Variants in CORO7 observed in about 807,000 individuals in gnomAD.
The protein encoded by CORO7 is coronin-7.
Under a neutral mutation model 126.6 loss-of-function variants are expected in CORO7, and 107 were observed. That is an observed-to-expected ratio of 0.85 (90% CI 0.72 to 0.99). The LOEUF is 0.99. Ranked by LOEUF, CORO7 falls within the 50% of genes least tolerant of loss-of-function variation. The pLI is 0.00. For missense variants in CORO7, 1,314 were observed against 1,255.8 expected (o/e 1.05, Z -0.70); for synonymous variants, 603 against 536.8 (o/e 1.12, Z -1.70).
At chr16:4,384,014 C>G (rs1375115420) in intron 9 of CORO7, among the ~76,000 whole-genome samples, 1 of 152,240 alleles carries the variant, frequency 6.6e-6, no homozygotes, top group Non-Finnish European at 1.5e-5. Context: ...CCCCATGCCA[C>G]TCCACTGCCC....
chr16:4,406,692 T>A (rs1163086747), intron 5 of CORO7, among the ~76,000 whole-genome samples: 11 of 152,016 alleles, frequency 7.2e-5, no homozygotes, highest in Admixed American at 7.2e-4. Flanking sequence ...AATGGCACGA[T>A]CTCTCTTCGC....
At chr16:4,373,399 A>T (rs1157917922) in intron 9 of CORO7, among the ~76,000 whole-genome samples, 3 of 152,022 alleles carry the variant, frequency 2.0e-5, no homozygotes, top group Non-Finnish European at 2.9e-5. Flanking sequence ...CTGTCCTGCT[A>T]CCTGTGGGTC....
chr16:4,360,999 T>A lies in CORO7; in HGVS notation c.1861A>T (p.Ile621Phe). The part of the protein sequence containing the change: ...ASSSYDLTVR[I>F]WDLQAGADRL... ...TCAGCTCCAGCCTGAAGGTCCCAGA[T>A]GCGAACAGTGAGGTCATAGGAGGAC... Residue 621 changes from isoleucine (I) to phenylalanine (F), a missense_variant, in exon 19 of 28, where the codon ATC becomes TTC. Coordinates refer to ENST00000251166, the MANE Select transcript of CORO7 (RefSeq NM_024535.5). The A allele has an allele frequency of 6.2e-7, 1 of 1,613,190 alleles. No homozygotes were observed. The highest frequency in any genetic ancestry group is 8.5e-7 in the Non-Finnish European group (1 of 1,180,008).
At chr16:4,375,326 C>A (rs2054680354) in intron 9 of CORO7, among the ~76,000 whole-genome samples, 1 of 152,244 alleles carries the variant, frequency 6.6e-6, no homozygotes, top group Non-Finnish European at 1.5e-5. Flanking sequence ...CTGGTCCACA[C>A]CTGCTCCAGG....
intron 8 of CORO7, 38 bp from the exon 9 acceptor site, chr16:4,388,106 T>TCCC: frequency 1.9e-6 from 3 of 1,591,702 alleles, no homozygotes; most frequent in Non-Finnish European, 2.6e-6. Flanking sequence ...GAGGGGCCTG[T>TCCC]CCCTCAGCCC....
intron 9 of CORO7, among the ~76,000 whole-genome samples, chr16:4,372,418 C>G (rs1046742133): frequency 1.3e-5 from 2 of 152,198 alleles, no homozygotes; most frequent in Admixed American, 1.3e-4. Context: ...AAGGGCTGCC[C>G]GGGGTCCTCT....
At chr16:4,415,875 G>A in intron 1 of CORO7, 1 of 985,572 alleles carries the variant, frequency 1.0e-6, no homozygotes, top group Non-Finnish European at 1.2e-6. Flanking sequence ...CCACCCAGCC[G>A]TGGCAGCATC....
At position 4,358,038 on chromosome 16, in the gene CORO7, G is replaced by T. The variant is rs745478194; in HGVS notation, c.2523C>A (p.Ala841=). 1.2e-6 allele frequency: 2 copies of T among 1,613,416 alleles called. No homozygotes were observed. The highest frequency in any genetic ancestry group is 2.2e-5 in the South Asian group (2 of 91,080). The change falls in exon 25 of 28, where the codon GCC becomes GCA. Residue 841 remains alanine (A), a synonymous_variant. Coordinates refer to ENST00000251166, the MANE Select transcript of CORO7 (RefSeq NM_024535.5). ...CATTAGCGCCTTGCAGCCAGGCCTCGGCACTGAGCACAGGCTCCCAGATCA... is the reference window on the plus strand; with the variant it reads ...CATTAGCGCCTTGCAGCCAGGCCTCTGCACTGAGCACAGGCTCCCAGATCA... ...TAVIWEPVLS[A]EAWLQGANGQ...
chr16:4,365,064 A>C lies in CORO7; in HGVS notation c.841-4T>G, dbSNP rs750888239. ...AACAGTACAGCTGCCTCTCGCCCTG[A>C]AATGAGTCTGAACTGAGCCCCGTTT... On this transcript the variant is annotated splice_polypyrimidine_tract_variant and splice_region_variant and intron_variant, in intron 10 of 27. Transcript: ENST00000251166. 3 of 1,596,046 alleles carry C rather than the reference A, an allele frequency of 1.9e-6. No individual in the cohort carries two copies. The highest frequency in any genetic ancestry group is 2.6e-6 in the Non-Finnish European group (3 of 1,171,446).
At chr16:4,382,712 AAGGGCAGGTGGGGCC>A in intron 9 of CORO7, 1 of 1,551,022 alleles carries the variant, frequency 6.4e-7, no homozygotes, top group South Asian at 1.2e-5. Flanking sequence ...GCTCAGGACA[AAGGGCAGGTGGGGCC>A]AGGGGCTGGG....
At chr16:4,360,213 G>A in intron 21 of CORO7, 65 bp downstream of exon 21, 3 of 1,602,268 alleles carry the variant, frequency 1.9e-6, no homozygotes, top group Non-Finnish European at 2.6e-6. Context: ...AAATGTATGT[G>A]ACTGTGGAGA....
At chr16:4,391,461 C>T (rs375192382) in intron 7 of CORO7, among the ~76,000 whole-genome samples, 12 of 152,270 alleles carry the variant, frequency 7.9e-5, no homozygotes, top group Admixed American at 4.6e-4. Context: ...GAGGCTGAGG[C>T]GGGAGAATCG....
chr16:4,376,493 G>C (rs1472578457), intron 9 of CORO7, among the ~76,000 whole-genome samples: 1 of 152,170 alleles, frequency 6.6e-6, no homozygotes, highest in Non-Finnish European at 1.5e-5. Flanking sequence ...GCCTCAGACT[G>C]TCTATCTGTC....
chr16:4,415,999 G>T, intron 1 of CORO7: 1 of 524,190 alleles, frequency 1.9e-6, no homozygotes, highest in Non-Finnish European at 2.5e-6. Context: ...ACACACTTGG[G>T]CTCGCCGGGG....
rs1417049376 is a variant in CORO7, at chr16:4,362,385, C to T, written c.1403-225G>A. Among the ~76,000 whole-genome samples the T allele has an allele frequency of 6.6e-6, 1 of 152,166 alleles. No homozygotes were observed. Among genetic ancestry groups the T allele is most frequent in the Non-Finnish European group, 1.5e-5 (1 of 68,022 alleles). On this transcript the variant is annotated intron_variant, in intron 15 of 27. Transcript: ENST00000251166. This position sits in a 1 kb window ranked among gnomAD's most constrained non-coding sequence, Gnocchi z 5.3. ...CGGGGAATCTTGGTGGAGCCCAGGG[C>T]TTTGGCTGCTCAGAAGCTGGTGGCC...
In CORO7 at chr16:4,360,539, G is replaced by T. The variant is rs764114366; in HGVS notation, c.1927C>A (p.Leu643Met). 20 of 1,604,956 alleles carry T rather than the reference G, an allele frequency of 1.2e-5. No individual in the cohort carries two copies. Among genetic ancestry groups the T allele is most frequent in the Non-Finnish European group, 1.5e-5 (18 of 1,176,270 alleles). ...TGCTGCCCATCAGGACTCCAGGCCA[G>T]GCTGAAGATCTGGGGGCAGGAAGGG... ...LQGHQDQIFS[L>M]AWSPDGQQLA... The change falls in exon 20 of 28, where the codon CTG becomes ATG. Residue 643 changes from leucine to methionine, a missense_variant. Coordinates refer to ENST00000251166, the MANE Select transcript of CORO7 (RefSeq NM_024535.5).
chr16:4,390,234 G>A (rs2055340484), intron 7 of CORO7, among the ~76,000 whole-genome samples: 1 of 152,120 alleles, frequency 6.6e-6, no homozygotes, highest in African/African-American at 2.4e-5. Flanking sequence ...CCCTTGGTGG[G>A]TCAGTCACTA....
At chr16:4,388,758 G>GACCCA in intron 7 of CORO7, 127 bp from the exon 8 acceptor site, 3 of 1,044,954 alleles carry the variant, frequency 2.9e-6, no homozygotes, top group Non-Finnish European at 4.1e-6. Flanking sequence ...GGGTGGGAAG[G>GACCCA]GCTGGGTCCT....
intron 9 of CORO7, among the ~76,000 whole-genome samples, chr16:4,370,614 C>T (rs1412244682): frequency 1.3e-5 from 2 of 152,212 alleles, no homozygotes; most frequent in East Asian, 3.9e-4. Context: ...GTTGTGGAGC[C>T]CTGCCAGCCC....
Sources: gnomAD v4.1 joint callset for allele counts (sites outside exome capture counted in the v4.1 genomes callset) on GRCh38, gnomAD v4.1.1 for gene constraint, Gnocchi (gnomAD v3.1) non-coding constraint, MANE v1.5 for transcripts, NCBI Gene and HGNC (gene_info 2026-07-23, HGNC 2026-07-21) for gene names.